VPS9D1: variants seen among roughly 807,000 people sequenced by gnomAD.
The protein encoded by VPS9D1 is VPS9 domain containing 1.
VPS9D1 carries 78 observed loss-of-function variants against 75.8 expected under a neutral mutation model. That is an observed-to-expected ratio of 1.03 (90% confidence interval 0.86 to 1.24). The LOEUF (loss-of-function observed/expected upper bound fraction) is 1.24, where lower values mean the gene tolerates loss of function less well. VPS9D1 is among the 50% of genes most tolerant of loss of function. The pLI is 0.00. For synonymous variants in VPS9D1, 481 were observed against 385.6 expected (o/e 1.25, Z -2.90); for missense variants, 1,057 against 847.7 (o/e 1.25, Z -3.07).
chr16:89,719,059 T>C lies in VPS9D1; in HGVS notation c.143A>G (p.Gln48Arg), dbSNP rs370632515. The C allele has an allele frequency of 1.9e-6, 3 of 1,613,530 alleles. No individual in the cohort carries two copies. Among genetic ancestry groups the C allele is most frequent in the Non-Finnish European group, 2.5e-6 (3 of 1,179,914 alleles). The change falls in exon 2 of 15, where the codon CAG becomes CGG. Residue 48 changes from glutamine to arginine, a missense_variant. By Grantham distance (43) the Gln-to-Arg change is conservative. Transcript: ENST00000389386. ...GGTTTCCACTTCTTCTAGTAACACC[T>C]GGGAGATATAGTGGATGCTCCTCAG... ...EYLRSIHYIS[Q>R]VLLEEVETTK... is the part of the protein sequence containing the mutation.
In VPS9D1 at chr16:89,712,032, G is replaced by C. The variant is rs1402707682; in HGVS notation, c.659+15C>G. 20 of 1,549,130 alleles carry C rather than the reference G, an allele frequency of 1.3e-5. No homozygotes were observed. In the Admixed American group the frequency reaches 2.0e-4, roughly 15 times the overall value. On this transcript the variant is annotated intron_variant, in intron 7 of 14. Transcript: ENST00000389386. ...CCCTCCCCGCAGCGGCCCCAGGGGCGGGCAGGAGTCCCACCTGTTGGCGGC... is the reference window on the plus strand; with the variant it reads ...CCCTCCCCGCAGCGGCCCCAGGGGCCGGCAGGAGTCCCACCTGTTGGCGGC...
intron 4 of VPS9D1, among the ~76,000 whole-genome samples, chr16:89,715,515 C>A (rs1212053762): frequency 6.6e-6 from 1 of 151,772 alleles, no homozygotes; most frequent in African/African-American, 2.4e-5. Flanking sequence ...CGTGAGCCAC[C>A]GCGCCCGGTC....
Position 89,711,932 on chromosome 16 carries a change from G to A in VPS9D1, c.697C>T (p.Arg233Trp), listed in dbSNP as rs1035155162. 3 of 1,551,596 alleles carry A rather than the reference G, an allele frequency of 1.9e-6. No homozygotes were observed. The highest frequency in any genetic ancestry group is 2.0e-5 in the Admixed American group (1 of 51,102). The stretch of plus-strand genomic sequence containing the variant: ...GCGGCGTAAAGGGCCCGCTGCTCCC[G>A]TTCCTCCGGGGTCAGGGCGACTTGG... ...CSQVALTPEEREQRALYAAIL... is the reference protein window; with the variant it reads ...CSQVALTPEEWEQRALYAAIL... The change falls in exon 8 of 15, where the codon CGG becomes TGG. Residue 233 changes from arginine (R) to tryptophan (W), a missense_variant. By Grantham distance (101) the Arg-to-Trp change is moderately radical. Coordinates refer to ENST00000389386, the MANE Select transcript of VPS9D1 (RefSeq NM_004913.3).
In VPS9D1 at chr16:89,710,862, A is replaced by AGGGC. The variant is rs1263115025; in HGVS notation, c.978_981dup (p.Ser328AlafsTer65). The AGGGC allele has an allele frequency of 1.3e-6, 2 of 1,504,800 alleles. No homozygotes were observed. The highest frequency in any genetic ancestry group is 1.8e-6 in the Non-Finnish European group (2 of 1,125,936). The allele number at this position is 1,504,800 out of a possible 1,614,324, so 93.2% of individuals were successfully genotyped here. ...GACAGCATGCAATGGAGGCTCTGCG[A>AGGGC]GGGCCGCAGCCGTCGGCTTCCGGGG... is the stretch of plus-strand genomic sequence containing the variant. On this transcript the variant is annotated frameshift_variant, in exon 10 of 15. Transcript: ENST00000389386. LOFTEE classifies it high-confidence loss of function.
intron 13 of VPS9D1, 135 bp downstream of exon 13, chr16:89,708,722 G>A (rs2060845373): frequency 8.8e-7 from 1 of 1,136,302 alleles, no homozygotes; most frequent in Admixed American, 2.7e-5. Flanking sequence ...CCAGGGCTGG[G>A]CCCACACGGC....
intron 4 of VPS9D1, among the ~76,000 whole-genome samples, chr16:89,715,253 G>T (rs2061035610): frequency 7.2e-6 from 1 of 138,032 alleles, no homozygotes. Flanking sequence ...TTGAGATGGA[G>T]TCTTGCTCTG....
At chr16:89,720,416 C>T (rs1023646962) in intron 1 of VPS9D1, 4 of 1,020,372 alleles carry the variant, frequency 3.9e-6, no homozygotes, top group African/African-American at 1.7e-5. Flanking sequence ...ACCATCTCTG[C>T]CCAGAAAAAT....
Position 89,712,109 on chromosome 16 carries a change from G to T in VPS9D1, c.607-10C>A. The T allele has an allele frequency of 6.5e-7, 1 of 1,548,294 alleles. No individual in the cohort carries two copies. Among genetic ancestry groups the T allele is most frequent in the South Asian group, 1.2e-5 (1 of 83,970 alleles). ...CCATCTTTCTCTGGAGCTGGGTGCA[G>T]AGTCAAGGGGCCGAGCGTGGGATCT... On this transcript the variant is annotated splice_polypyrimidine_tract_variant and intron_variant, in intron 6 of 14. Transcript: ENST00000389386.
chr16:89,709,848 C>T lies in VPS9D1; in HGVS notation c.1317G>A (p.Lys439=), dbSNP rs777339835. ...CCTCAATGCAGGCCAGGCAGCGGTC[C>T]TTGGAGGCAGCTGTGTTTAGGCCTT... ...AFEGLNTAAS[K]DRCLACIEEP... is the part of the protein sequence containing the mutation. Residue 439 remains lysine (K), a synonymous_variant, in exon 11 of 15, where the codon AAG becomes AAA. Coordinates refer to ENST00000389386, the MANE Select transcript of VPS9D1 (RefSeq NM_004913.3). 15 of 1,613,720 alleles carry T rather than the reference C, an allele frequency of 9.3e-6. No homozygotes were observed. Among genetic ancestry groups the T allele is most frequent in the Non-Finnish European group, 1.2e-5 (14 of 1,179,884 alleles).
chr16:89,710,800 G>A lies in VPS9D1; in HGVS notation c.1044C>T (p.Asp348=). Reference sequence around the variant, plus strand: ...GTTGGAGTGGGGGCGTGGGGGGACTGTCCTGGGGCCGCGGGGCTGCGCTGG... The same window carrying A: ...GTTGGAGTGGGGGCGTGGGGGGACTATCCTGGGGCCGCGGGGCTGCGCTGG... The part of the protein sequence containing the change: ...PEPSAAPRPQ[D]SPPTPPLQPG... Residue 348 remains aspartate (D), a synonymous_variant, in exon 10 of 15, where the codon GAC becomes GAT. Transcript: ENST00000389386. The A allele has an allele frequency of 6.5e-7, 1 of 1,545,622 alleles. No individual in the cohort carries two copies. Among genetic ancestry groups the A allele is most frequent in the Non-Finnish European group, 8.7e-7 (1 of 1,143,162 alleles).
At chr16:89,719,240 C>A in intron 1 of VPS9D1, 138 bp from the exon 2 acceptor site, 1 of 832,714 alleles carries the variant, frequency 1.2e-6, no homozygotes, top group South Asian at 1.4e-5. Context: ...AGACATTGAG[C>A]CTGCGGTGGT....
chr16:89,716,415 A>G (rs1355457632), intron 4 of VPS9D1, 47 bp downstream of exon 4: 4 of 1,606,564 alleles, frequency 2.5e-6, no homozygotes, highest in Middle Eastern at 1.7e-4. Flanking sequence ...CTCAGCCTCA[A>G]AAACCCAATC....
At position 89,709,419 on chromosome 16, in the gene VPS9D1, G is replaced by C; in HGVS notation, c.1405C>G (p.Arg469Gly). Residue 469 changes from arginine to glycine, a missense_variant, in exon 12 of 15, where the codon CGG (arginine) becomes GGG (glycine). Arg to Gly is a moderately radical substitution (Grantham distance 125, BLOSUM62 -2). Transcript: ENST00000389386. Reference protein sequence around the residue: ...LALYRSVHRAREAALSRSMEL... With the variant: ...LALYRSVHRAGEAALSRSMEL... ...ATGCTCCTGCTCAGGGCAGCCTCCC[G>C]GGCTCGGTGCACGCTCCTGGGGCAG... 1 of 1,516,758 alleles carries C rather than the reference G, an allele frequency of 6.6e-7. No homozygotes were observed. The highest frequency in any genetic ancestry group is 8.8e-7 in the Non-Finnish European group (1 of 1,140,266). The allele number at this position is 1,516,758 out of a possible 1,614,324, so 94.0% of individuals were successfully genotyped here.
intron 4 of VPS9D1, among the ~76,000 whole-genome samples, chr16:89,714,744 C>A (rs961860038): frequency 6.6e-6 from 1 of 151,592 alleles, no homozygotes; most frequent in Non-Finnish European, 1.5e-5. Flanking sequence ...TTTCTTTCTT[C>A]TTTTTTTTTG....
At chr16:89,711,637 AGGGACCCTCCCTCCTCGCT>A (rs1375708267) in intron 8 of VPS9D1, 36 of 496,760 alleles carry the variant, frequency 7.2e-5, no homozygotes, top group Admixed American at 2.3e-4. Context: ...CCCTCCTCGC[AGGGACCCTCCCTCCTCGCT>A]GGGACCCTCC....
At chr16:89,717,335 C>A in intron 2 of VPS9D1, 1 of 350,620 alleles carries the variant, frequency 2.9e-6, no homozygotes, top group Non-Finnish European at 5.7e-6. Context: ...GCTTCACTTG[C>A]AACTGCAGGC....
intron 11 of VPS9D1, 45 bp from the exon 12 acceptor site, chr16:89,709,480 C>A: frequency 6.7e-7 from 1 of 1,483,308 alleles, no homozygotes; most frequent in South Asian, 1.4e-5. Flanking sequence ...GGGACCTTGC[C>A]CTGGGGACAG....
Position 89,711,369 on chromosome 16 carries a change from C to T in VPS9D1, c.791G>A (p.Gly264Glu). The T allele has an allele frequency of 6.2e-7, 1 of 1,611,090 alleles. No homozygotes were observed. Among genetic ancestry groups the T allele is most frequent in the Non-Finnish European group, 8.5e-7 (1 of 1,178,750 alleles). ...CAGGCTGGTCACGAGTGACAGGTCCCCCGGATTCCTCTTGAGCTTGGCCTT... is the reference window on the plus strand; with the variant it reads ...CAGGCTGGTCACGAGTGACAGGTCCTCCGGATTCCTCTTGAGCTTGGCCTT... ...HWKAKLKRNP[G>E]DLSLVTSLVS... Residue 264 changes from glycine to glutamate, a missense_variant, in exon 9 of 15, where the codon GGG (glycine) becomes GAG (glutamate). Transcript: ENST00000389386.
chr16:89,717,384 T>A, intron 2 of VPS9D1: 1 of 370,678 alleles, frequency 2.7e-6, no homozygotes, highest in South Asian at 2.0e-5. Context: ...AAGGACGTGC[T>A]GAGGGGATCG....
Sources: gnomAD v4.1 joint callset for allele counts (sites outside exome capture counted in the v4.1 genomes callset) on GRCh38, gnomAD v4.1.1 for gene constraint, MANE v1.5 for transcripts, NCBI Gene and HGNC (gene_info 2026-07-23, HGNC 2026-07-21) for gene names.